The following CACNA1H variants were observed in gnomAD, a reference collection of about 807,000 sequenced individuals.
CACNA1H encodes calcium voltage-gated channel subunit alpha1 H.
In CACNA1H, 149 loss-of-function variants were observed where a neutral mutation model predicts 192.5. That is an observed-to-expected ratio of 0.77 (90% CI 0.68 to 0.89). The LOEUF is 0.89. Among genes scored for constraint, CACNA1H ranks in the 40% least tolerant of loss-of-function variants. CACNA1H has a pLI of 0.00. For synonymous variants in CACNA1H, 2,202 were observed against 1,475.2 expected, an observed-to-expected ratio of 1.49 and a Z score of -11.29; for missense variants, 4,257 against 3,423.5, an observed-to-expected ratio of 1.24 and a Z score of -6.08.
intron 5 of CACNA1H, 74 bp from the exon 6 acceptor site, chr16:1,198,541 C>A: frequency 6.5e-7 from 1 of 1,544,438 alleles, no homozygotes; most frequent in Non-Finnish European, 8.9e-7. Flanking sequence ...GCTCGGGGGT[C>A]CCGGGAGGGG....
At chr16:1,165,616 C>T (rs1963684111) in intron 2 of CACNA1H, among the ~76,000 whole-genome samples, 1 of 152,160 alleles carries the variant, frequency 6.6e-6, no homozygotes, top group Non-Finnish European at 1.5e-5. Context: ...GAGGCACCCT[C>T]CCTTTTCCCC....
chr16:1,193,882 C>T (rs536748363), intron 2 of CACNA1H, among the ~76,000 whole-genome samples: 2 of 152,254 alleles, frequency 1.3e-5, no homozygotes, highest in East Asian at 3.9e-4. Flanking sequence ...GTCACCAAGC[C>T]TGTTCCCCTC....
At chr16:1,162,491 TGAG>T (rs1963311060) in intron 2 of CACNA1H, among the ~76,000 whole-genome samples, 1 of 152,110 alleles carries the variant, frequency 6.6e-6, no homozygotes, top group South Asian at 2.1e-4. Context: ...GCTCCTCCGA[TGAG>T]GAGCAGCCCC....
At chr16:1,183,771 C>T (rs146471858) in intron 2 of CACNA1H, among the ~76,000 whole-genome samples, 93 of 152,386 alleles carry the variant, frequency 6.1e-4, no homozygotes, top group Non-Finnish European at 1.0e-3. Context: ...TGCGTATACA[C>T]GGGTGAGCAC....
intron 11 of CACNA1H, among the ~76,000 whole-genome samples, chr16:1,205,722 C>T (rs935635485): frequency 5.9e-5 from 9 of 152,188 alleles, no homozygotes; most frequent in Admixed American, 2.6e-4. Flanking sequence ...GACGCTCATC[C>T]CTCAAGAGTA....
At chr16:1,202,851 C>A (rs904213654) in intron 9 of CACNA1H, among the ~76,000 whole-genome samples, 2 of 152,118 alleles carry the variant, frequency 1.3e-5, no homozygotes, top group Non-Finnish European at 2.9e-5. Context: ...GGCTGGCCCC[C>A]CTTCTAGGTG....
At chr16:1,205,972 A>G (rs567475389) in intron 11 of CACNA1H, 132 bp from the exon 12 acceptor site, 49 of 815,698 alleles carry the variant, frequency 6.0e-5, no homozygotes, top group Admixed American at 2.9e-5. Flanking sequence ...TGATGCAGCC[A>G]TACCCTCTCC....
chr16:1,194,770 C>T (rs535711317), intron 2 of CACNA1H, among the ~76,000 whole-genome samples: 5 of 152,228 alleles, frequency 3.3e-5, no homozygotes, highest in South Asian at 4.1e-4. Flanking sequence ...GAGCAGAGCC[C>T]GGCCAGGCGC....
In CACNA1H at chr16:1,201,837, T is replaced by G. The variant is rs1967960667; in HGVS notation, c.1387T>G (p.Tyr463Asp). Residue 463 changes from tyrosine to aspartate, a missense_variant, in exon 9 of 35, where the codon TAC (tyrosine) becomes GAC (aspartate). Transcript: ENST00000348261. ...PGSCYEELLK[Y>D]VGHIFRKVKR... ...CAGCTGCTACGAAGAGCTGCTGAAGTACGTGGGCCACATATTCCGCAAGGT... is the reference window on the plus strand; with the variant it reads ...CAGCTGCTACGAAGAGCTGCTGAAGGACGTGGGCCACATATTCCGCAAGGT... 6.4e-7 allele frequency: 1 copy of G among 1,572,892 alleles called. No individual in the cohort carries two copies. Among genetic ancestry groups the G allele is most frequent in the Admixed American group, 1.9e-5 (1 of 53,594 alleles).
intron 27 of CACNA1H, among the ~76,000 whole-genome samples, chr16:1,214,252 G>A (rs1468412284): frequency 6.6e-6 from 1 of 152,114 alleles, no homozygotes; most frequent in Admixed American, 6.5e-5. Flanking sequence ...GCAGGCCTGA[G>A]GTGGAGTTTT....
intron 2 of CACNA1H, among the ~76,000 whole-genome samples, chr16:1,185,109 CAT>C (rs1491209808): frequency 6.6e-6 from 1 of 152,242 alleles, no homozygotes. Context: ...TTCCGTGTGA[CAT>C]GTGGTCCTTC....
chr16:1,161,434 G>A (rs1167179649), intron 2 of CACNA1H, among the ~76,000 whole-genome samples: 1 of 152,208 alleles, frequency 6.6e-6, no homozygotes, highest in African/African-American at 2.4e-5. Flanking sequence ...CCCCTCACTG[G>A]CCTGAGGACT....
intron 2 of CACNA1H, among the ~76,000 whole-genome samples, chr16:1,161,993 A>G (rs1963250163): frequency 1.3e-5 from 2 of 152,068 alleles, no homozygotes; most frequent in South Asian, 4.2e-4. Context: ...TCTGAAGTGG[A>G]CTGGCAGAGG....
chr16:1,173,632 T>C (rs1005707551), intron 2 of CACNA1H, among the ~76,000 whole-genome samples: 1 of 152,166 alleles, frequency 6.6e-6, no homozygotes, highest in African/African-American at 2.4e-5. Flanking sequence ...TGTTTTGCAG[T>C]TTTGCAAGAC....
At chr16:1,208,918 G>A (rs972152145) in intron 16 of CACNA1H, 114 bp from the exon 17 acceptor site, 13 of 1,136,702 alleles carry the variant, frequency 1.1e-5, no homozygotes, top group South Asian at 6.9e-5. Flanking sequence ...CCTCCCTGGC[G>A]GGGCTATGCA....
At chr16:1,162,852 G>C (rs1261073218) in intron 2 of CACNA1H, among the ~76,000 whole-genome samples, 3 of 152,214 alleles carry the variant, frequency 2.0e-5, no homozygotes, top group Non-Finnish European at 2.9e-5. Flanking sequence ...GATAGTCCCA[G>C]GTGGCTGGAA....
intron 34 of CACNA1H, 82 bp downstream of exon 34, chr16:1,219,212 G>A (rs1970284738): frequency 1.5e-5 from 20 of 1,345,320 alleles, no homozygotes; most frequent in Non-Finnish European, 1.9e-5. Flanking sequence ...TGAAGGACCA[G>A]CAGACGAGGA....
rs553077928 is a variant in CACNA1H, at chr16:1,205,128, T to C, written c.2466T>C (p.Thr822=). 2 of 1,612,296 alleles carry C rather than the reference T, an allele frequency of 1.2e-6. No homozygotes were observed. Among genetic ancestry groups the C allele is most frequent in the African/African-American group, 1.3e-5 (1 of 75,038 alleles). Reference sequence around the variant, plus strand: ...TCTGCCTGCAGCCCGAGGAGCTGACTAATGCTCTGGAGATCAGCAACATCG... The same window carrying C: ...TCTGCCTGCAGCCCGAGGAGCTGACCAATGCTCTGGAGATCAGCAACATCG... ...VEYHEQPEEL[T]NALEISNIVF... is the part of the protein sequence containing the mutation. The change falls in exon 11 of 35, where the codon ACT becomes ACC. Residue 822 remains threonine (T), a synonymous_variant. Transcript: ENST00000348261.
chr16:1,189,943 G>T (rs1291034039), intron 2 of CACNA1H, among the ~76,000 whole-genome samples: 1 of 152,260 alleles, frequency 6.6e-6, no homozygotes, highest in East Asian at 1.9e-4. Flanking sequence ...GACTCCAGGG[G>T]CTGGAGAAGG....
Sources: gnomAD v4.1 joint callset for allele counts (sites outside exome capture counted in the v4.1 genomes callset) on GRCh38, gnomAD v4.1.1 for gene constraint, MANE v1.5 for transcripts, NCBI Gene and HGNC (gene_info 2026-07-23, HGNC 2026-07-21) for gene names.